Variants in TENM2 observed in about 807,000 individuals in gnomAD.
The protein encoded by TENM2 is teneurin-2.
A neutral mutation model predicts 245.2 loss-of-function variants in TENM2; 52 were observed. The ratio of observed to expected loss-of-function variants is 0.21; its 90% CI spans 0.17 to 0.27. TENM2 has a LOEUF of 0.27. Among genes scored for constraint, TENM2 ranks in the 10% least tolerant of loss-of-function variants. TENM2 has a pLI of 1.00. For missense variants in TENM2, 3,046 were observed against 3,666.8 expected (o/e 0.83, Z 4.37); for synonymous variants, 1,363 against 1,438.9 (o/e 0.95, Z 1.19).
intron 2 of TENM2, among the ~76,000 whole-genome samples, chr5:167,845,119 T>C (rs1450194915): frequency 6.6e-6 from 1 of 152,052 alleles, no homozygotes; most frequent in African/African-American, 2.4e-5. Flanking sequence ...TAAAAATGCA[T>C]TTTCATTTAG....
intron 2 of TENM2, among the ~76,000 whole-genome samples, chr5:167,394,310 G>C (rs947341295): frequency 1.3e-5 from 2 of 152,092 alleles, no homozygotes; most frequent in African/African-American, 4.8e-5. Context: ...TGGTGTAAAA[G>C]ATAAGGATCC....
At position 168,146,829 on chromosome 5, in the gene TENM2, G is replaced by C. The variant is rs1287358914; in HGVS notation, c.2423-15782G>C. ...GTGAGTGCTAAATCCAGGTTTACTT[G>C]ACAGAAACCAGGCTTAATCATTGCA... On this transcript the variant is annotated intron_variant, in intron 12 of 28. Transcript: ENST00000518659. 2.0e-5 allele frequency among the ~76,000 whole-genome samples: 3 copies of C among 152,224 alleles called. No homozygotes were observed. In the East Asian group the frequency reaches 5.8e-4, roughly 29 times the overall value.
intron 27 of TENM2, among the ~76,000 whole-genome samples, chr5:168,256,903 C>A (rs532887461): frequency 6.6e-6 from 1 of 152,256 alleles, no homozygotes; most frequent in East Asian, 1.9e-4. Flanking sequence ...ACAGTAGTCC[C>A]AGGGCAGAAG....
chr5:167,898,109 A>G (rs1258670156), intron 3 of TENM2, among the ~76,000 whole-genome samples: 1 of 152,066 alleles, frequency 6.6e-6, no homozygotes, highest in Non-Finnish European at 1.5e-5. Flanking sequence ...GTTTACTCAA[A>G]CCTAATGAAA....
intron 2 of TENM2, among the ~76,000 whole-genome samples, chr5:167,617,961 G>C (rs532228785): frequency 2.0e-5 from 3 of 152,234 alleles, no homozygotes; most frequent in Admixed American, 1.3e-4. Context: ...TAAGTACTTT[G>C]TGATGGACTT....
chr5:167,071,444 G>A, the TENM2 span, among the ~76,000 whole-genome samples: 1 of 152,126 alleles, frequency 6.6e-6, no homozygotes, highest in Non-Finnish European at 1.5e-5. Flanking sequence ...GTATTCCTTT[G>A]CTGGGCTCTG....
intron 2 of TENM2, among the ~76,000 whole-genome samples, chr5:167,871,403 G>A (rs867518532): frequency 1.0e-4 from 15 of 146,084 alleles, no homozygotes; most frequent in African/African-American, 2.7e-4. Context: ...ACTGGCTATC[G>A]GTACTTTAAT....
chr5:167,499,926 GTA>G (rs1165709411), intron 2 of TENM2, among the ~76,000 whole-genome samples: 2 of 150,288 alleles, frequency 1.3e-5, no homozygotes, highest in African/African-American at 2.5e-5. Flanking sequence ...GTGTGTGTGT[GTA>G]TGTGTATGTG....
chr5:167,556,270 C>T (rs1337397299), intron 2 of TENM2, among the ~76,000 whole-genome samples: 2 of 152,012 alleles, frequency 1.3e-5, no homozygotes, highest in South Asian at 2.1e-4. Context: ...TGTAGAAAAG[C>T]TCTCATTTTT....
chr5:167,522,807 A>G (rs1350974260), intron 2 of TENM2, among the ~76,000 whole-genome samples: 1 of 107,988 alleles, frequency 9.3e-6, no homozygotes, highest in Admixed American at 1.1e-4. Flanking sequence ...CCCAGCAAAT[A>G]GGCCTCTGCC....
At chr5:166,981,400 A>G in the TENM2 span, among the ~76,000 whole-genome samples, 1 of 152,170 alleles carries the variant, frequency 6.6e-6, no homozygotes, top group African/African-American at 2.4e-5. Context: ...CTTTGAGTGA[A>G]GCATTTGTTT....
chr5:168,201,386 A>G (rs780231344), intron 17 of TENM2, among the ~76,000 whole-genome samples: 2 of 152,034 alleles, frequency 1.3e-5, no homozygotes, highest in Non-Finnish European at 2.9e-5. Flanking sequence ...TACCAAAATG[A>G]CAGCCAATAT....
chr5:167,209,290 G>A, the TENM2 span, among the ~76,000 whole-genome samples: 1 of 151,194 alleles, frequency 6.6e-6, no homozygotes, highest in Admixed American at 6.6e-5. Context: ...TTGAGATGGA[G>A]TCTCACTCTG....
the TENM2 span, among the ~76,000 whole-genome samples, chr5:167,248,729 T>C: frequency 1.1e-4 from 16 of 152,100 alleles, no homozygotes; most frequent in East Asian, 2.7e-3. Flanking sequence ...CATGAAAGAA[T>C]TAGTAAATTA....
At chr5:167,354,873 A>T (rs1362967529) in intron 1 of TENM2, among the ~76,000 whole-genome samples, 1 of 152,186 alleles carries the variant, frequency 6.6e-6, no homozygotes, top group Non-Finnish European at 1.5e-5. Flanking sequence ...TTTTCATCCC[A>T]TCCTTTTACT....
intron 5 of TENM2, among the ~76,000 whole-genome samples, chr5:168,005,479 C>T (rs1784755083): frequency 6.6e-6 from 1 of 152,198 alleles, no homozygotes; most frequent in Non-Finnish European, 1.5e-5. Context: ...CACCCCTCCC[C>T]AAAAACTTTA....
At chr5:167,796,398 C>G (rs1249725851) in intron 2 of TENM2, among the ~76,000 whole-genome samples, 1 of 152,014 alleles carries the variant, frequency 6.6e-6, no homozygotes, top group Admixed American at 6.5e-5. Flanking sequence ...GACTTGCTCT[C>G]TGTTTCTGCA....
At chr5:167,096,558 C>G in the TENM2 span, among the ~76,000 whole-genome samples, 1 of 152,168 alleles carries the variant, frequency 6.6e-6, no homozygotes, top group Non-Finnish European at 1.5e-5. Context: ...CTCTATTCTG[C>G]CTGGCCAAAC....
intron 2 of TENM2, among the ~76,000 whole-genome samples, chr5:167,408,789 T>C (rs564789305): frequency 6.6e-6 from 1 of 150,392 alleles, no homozygotes; most frequent in African/African-American, 2.4e-5. Flanking sequence ...CAAAATCTTA[T>C]ACATATATAT....
Sources: gnomAD v4.1 joint callset for allele counts (sites outside exome capture counted in the v4.1 genomes callset) on GRCh38, gnomAD v4.1.1 for gene constraint, MANE v1.5 for transcripts, NCBI Gene and HGNC (gene_info 2026-07-23, HGNC 2026-07-21) for gene names.